ELAVL4: variants seen among roughly 807,000 people sequenced by gnomAD.
ELAVL4 encodes ELAV like RNA binding protein 4, also known as ELAV-like protein 4.
In ELAVL4, 1 loss-of-function variant was observed where a neutral mutation model predicts 35.6. The observed-to-expected ratio is 0.03, with a 90% confidence interval of 0.01 to 0.13. The LOEUF is 0.13. Ranked by LOEUF, ELAVL4 falls within the 10% of genes least tolerant of loss-of-function variation. The pLI is 1.00. For synonymous variants in ELAVL4, 156 were observed against 171.0 expected, an observed-to-expected ratio of 0.91 and a Z score of 0.69; for missense variants, 267 against 464.9, an observed-to-expected ratio of 0.57 and a Z score of 3.91.
At chr1:50,110,144 A>G (rs993523414) in intron 1 of ELAVL4, among the ~76,000 whole-genome samples, 4 of 152,072 alleles carry the variant, frequency 2.6e-5, no homozygotes, top group Non-Finnish European at 5.9e-5. Flanking sequence ...GAAAACCAGA[A>G]TCCATCTCCA....
chr1:50,137,592 C>T (rs1418850154), intron 1 of ELAVL4, among the ~76,000 whole-genome samples: 2 of 151,998 alleles, frequency 1.3e-5, no homozygotes, highest in Non-Finnish European at 1.5e-5. Context: ...TTAGTACATC[C>T]GTACACTTTT....
At chr1:50,086,853 G>T (rs1304370905) in intron 1 of ELAVL4, among the ~76,000 whole-genome samples, 2 of 152,042 alleles carry the variant, frequency 1.3e-5, no homozygotes, top group Non-Finnish European at 2.9e-5. Flanking sequence ...GGAAGGAATA[G>T]GTACTGCTGT....
chr1:50,137,996 C>A (rs1467239763), intron 1 of ELAVL4, among the ~76,000 whole-genome samples: 1 of 152,196 alleles, frequency 6.6e-6, no homozygotes, highest in Non-Finnish European at 1.5e-5. Flanking sequence ...AGAGCAAAGG[C>A]TGCCCTGAAC....
At chr1:50,106,473 C>A, upstream of ELAVL4, 1 of 1,124,660 alleles carries the variant, frequency 8.9e-7, no homozygotes, top group Non-Finnish European at 1.3e-6. Context: ...TTGAGTGAGA[C>A]AAGTTTCTTT....
intron 2 of ELAVL4, among the ~76,000 whole-genome samples, chr1:50,146,037 C>A (rs1198745876): frequency 1.3e-5 from 2 of 152,160 alleles, no homozygotes; most frequent in Non-Finnish European, 2.9e-5. Flanking sequence ...AGCTGCTACT[C>A]TCTGATACTC....
intron 2 of ELAVL4, among the ~76,000 whole-genome samples, chr1:50,158,246 C>A (rs929415034): frequency 2.6e-5 from 4 of 152,172 alleles, no homozygotes. Flanking sequence ...GAGGAAACAG[C>A]TGTGTGATCT....
chr1:50,102,610 A>G (rs1337513038), upstream of ELAVL4, among the ~76,000 whole-genome samples: 1 of 152,198 alleles, frequency 6.6e-6, no homozygotes, highest in Non-Finnish European at 1.5e-5. Flanking sequence ...AACTGACCAA[A>G]CACTATATCC....
At chr1:50,136,367 A>T (rs1290092613) in intron 1 of ELAVL4, among the ~76,000 whole-genome samples, 1 of 152,130 alleles carries the variant, frequency 6.6e-6, no homozygotes, top group Non-Finnish European at 1.5e-5. Context: ...AGAATTTTAC[A>T]AGGGTTAAGT....
At chr1:50,185,618 C>T (rs1232721591) in intron 3 of ELAVL4, among the ~76,000 whole-genome samples, 1 of 152,184 alleles carries the variant, frequency 6.6e-6, no homozygotes, top group African/African-American at 2.4e-5. Flanking sequence ...CTAATGATAT[C>T]TTACTTGTAG....
At chr1:50,062,824 A>G (rs778168141) in intron 1 of ELAVL4, among the ~76,000 whole-genome samples, 1 of 152,100 alleles carries the variant, frequency 6.6e-6, no homozygotes, top group Non-Finnish European at 1.5e-5. Flanking sequence ...CATGCTTTCT[A>G]TCTTGCTTCC....
intron 1 of ELAVL4, among the ~76,000 whole-genome samples, chr1:50,142,950 A>G (rs183953190): frequency 9.6e-4 from 147 of 152,356 alleles, no homozygotes; most frequent in African/African-American, 3.3e-3. Context: ...GCATTGTTAC[A>G]TGTAACAGAG....
intron 1 of ELAVL4, among the ~76,000 whole-genome samples, chr1:50,078,589 G>A (rs1664869163): frequency 6.6e-6 from 1 of 152,110 alleles, no homozygotes. Flanking sequence ...AAAGCCAGTA[G>A]GGCTATTTGG....
intron 1 of ELAVL4, among the ~76,000 whole-genome samples, chr1:50,056,343 T>C (rs1360318522): frequency 1.3e-5 from 2 of 152,228 alleles, no homozygotes; most frequent in African/African-American, 4.8e-5. Flanking sequence ...TGTATGGTCA[T>C]GCACCACATA....
At chr1:50,192,114 T>A (rs563862974) in intron 3 of ELAVL4, among the ~76,000 whole-genome samples, 4 of 152,162 alleles carry the variant, frequency 2.6e-5, no homozygotes, top group African/African-American at 9.6e-5. Flanking sequence ...ACCCCCTATA[T>A]AAAGGCCCCT....
chr1:50,133,586 GAAAGAAAGAAAGA>G (rs1347181026), intron 1 of ELAVL4, among the ~76,000 whole-genome samples: 256 of 105,170 alleles, frequency 2.4e-3, no homozygotes, highest in Non-Finnish European at 3.5e-3. Context: ...GAGAGAGAAA[GAAAGAAAGAAAGA>G]AAAGAAAGAA....
At chr1:50,093,254 T>C (rs1035693407) in intron 1 of ELAVL4, among the ~76,000 whole-genome samples, 2 of 152,234 alleles carry the variant, frequency 1.3e-5, no homozygotes, top group Non-Finnish European at 2.9e-5. Flanking sequence ...TTATAAAGTT[T>C]GGATATCATT....
rs183680594 is a variant in ELAVL4 at position 50,144,775 on chromosome 1, A to G, written c.10-182A>G. On this transcript the variant is annotated intron_variant, in intron 1 of 6. Coordinates refer to ENST00000371824, the MANE Select transcript of ELAVL4 (RefSeq NM_001144774.3). ...TCTATGGGCTGGCCTAAAAATAGAA[A>G]GAGGAGTTTAACATTTTGGTTAAAA... 7 of 887,322 alleles carry G rather than the reference A, an allele frequency of 7.9e-6. No homozygotes were observed. The East Asian group carries it at 1.7e-4, about 22-fold the overall frequency. The allele number at this position is 887,322 out of a possible 1,614,324, so 55.0% of individuals were successfully genotyped here.
intron 1 of ELAVL4, among the ~76,000 whole-genome samples, chr1:50,067,675 A>T (rs78523796): frequency 0.028 from 4,256 of 152,278 alleles, 168 homozygotes; most frequent in African/African-American, 0.097. Flanking sequence ...CTAGCAGTGC[A>T]TGTAAATAAC....
chr1:50,177,017 G>GCT (rs370190437), intron 2 of ELAVL4, 72 bp from the exon 3 acceptor site: 719 of 1,178,730 alleles, frequency 6.1e-4, no homozygotes, highest in South Asian at 9.9e-4. Context: ...TACTGAGCAT[G>GCT]CTCTCTCTCT....
Sources: allele counts gnomAD v4.1 joint callset (sites outside exome capture counted in the v4.1 genomes callset), GRCh38; gene constraint gnomAD v4.1.1; transcripts MANE v1.5; gene names NCBI Gene and HGNC (gene_info 2026-07-23, HGNC 2026-07-21).